Variants in DRGX observed in about 807,000 individuals in gnomAD.
DRGX encodes the protein dorsal root ganglia homeobox protein.
Under a neutral mutation model 28.6 loss-of-function variants are expected in DRGX, and 21 were observed. The observed-to-expected ratio is 0.73, with a 90% CI of 0.52 to 1.06. The LOEUF (loss-of-function observed/expected upper bound fraction) is 1.06. Among genes scored for constraint, DRGX ranks in the 50% least tolerant of loss-of-function variants. DRGX has a pLI of 0.00. For missense variants in DRGX, 354 were observed against 343.9 expected (o/e 1.03, Z -0.23); for synonymous variants, 136 against 139.1 (o/e 0.98, Z 0.16).
intron 4 of DRGX, among the ~76,000 whole-genome samples, chr10:49,388,019 A>C (rs1849859385): frequency 6.6e-6 from 1 of 152,338 alleles, no homozygotes; most frequent in Non-Finnish European, 1.5e-5. Flanking sequence ...CCTGATGCAT[A>C]GCCATCCATC....
Position 49,391,260 on chromosome 10 carries a change from G to A in DRGX, c.36C>T (p.Gly12=). The change falls in exon 3 of 7, where the codon GGC becomes GGT. Residue 12 remains glycine, a splice_region_variant and synonymous_variant. Transcript: ENST00000374139. ...AAGAGTGATTGCCAAAGGTTGCAGT[G>A]CCTACCAAGAGCAAACTGATCAACC... The part of the protein sequence containing the change: ...FYFHCPPQLE[G]TATFGNHSSG... 1 of 1,608,814 alleles carries A rather than the reference G, an allele frequency of 6.2e-7. No homozygotes were observed. The highest frequency in any genetic ancestry group is 8.5e-7 in the Non-Finnish European group (1 of 1,177,590).
intron 1 of DRGX, 115 bp from the exon 2 acceptor site, chr10:49,395,636 A>C: frequency 4.0e-5 from 26 of 646,878 alleles, no homozygotes; most frequent in Non-Finnish European, 6.3e-5. Flanking sequence ...CCCTCATCTC[A>C]CTGCGGGGGA....
At position 49,386,807 on chromosome 10, in the gene DRGX, A is replaced by T; in HGVS notation, c.286T>A (p.Ser96Thr). ...TCCTTGGCTCCTGGCTCCTGGTCTG[A>T]GGCCCCTCTCTCTGTCTTCCTCCAT... is the stretch of plus-strand genomic sequence containing the variant. The part of the protein sequence containing the change: ...AKWRKTERGA[S>T]DQEPGAKEPM... Residue 96 changes from serine (S) to threonine (T), a missense_variant, in exon 5 of 7, where the codon TCA (serine) becomes ACA (threonine). Transcript: ENST00000374139. The T allele has an allele frequency of 6.2e-7, 1 of 1,600,102 alleles. No individual in the cohort carries two copies. The highest frequency in any genetic ancestry group is 1.4e-5 in the African/African-American group (1 of 74,070).
chr10:49,391,915 T>A, intron 2 of DRGX: 1 of 490,032 alleles, frequency 2.0e-6, no homozygotes, highest in Non-Finnish European at 4.2e-6. Flanking sequence ...CAATAGTGAC[T>A]GTCCTGAATG....
rs376042287 is a variant in DRGX, at chr10:49,374,929, C to T, written c.527-8548G>A. Among the ~76,000 whole-genome samples the T allele has an allele frequency of 4.9e-4, 74 of 152,310 alleles. 2 individuals are homozygous for T. In the South Asian group the frequency reaches 0.014, roughly 29 times the overall value. ...GGATTTATGAGACGTCTAACGCAAA[C>T]AGCATAGTTCACTTATTTCCACTTT... is the stretch of plus-strand genomic sequence containing the variant. On this transcript the variant is annotated intron_variant, in intron 6 of 6. Coordinates refer to ENST00000374139, the MANE Select transcript of DRGX (RefSeq NM_001276451.2).
intron 6 of DRGX, among the ~76,000 whole-genome samples, chr10:49,367,979 C>T (rs1423867932): frequency 6.6e-6 from 1 of 152,224 alleles, no homozygotes; most frequent in African/African-American, 2.4e-5. Context: ...GCTTTTCCAG[C>T]AGCTGGGACT....
At chr10:49,392,620 T>C (rs1849922735) in intron 2 of DRGX, among the ~76,000 whole-genome samples, 1 of 152,210 alleles carries the variant, frequency 6.6e-6, no homozygotes, top group Non-Finnish European at 1.5e-5. Flanking sequence ...TTTCGCTCAG[T>C]CTTCTAATTT....
intron 6 of DRGX, 65 bp downstream of exon 6, chr10:49,386,413 C>G (rs953858036): frequency 5.0e-6 from 7 of 1,395,252 alleles, no homozygotes; most frequent in Non-Finnish European, 6.7e-6. Flanking sequence ...AGACCCAGGC[C>G]GGTCACACAA....
chr10:49,386,590 G>C lies in DRGX; in HGVS notation c.414C>G (p.Ser138Arg). ...CTGCAGGACCTACCGTTCGCCCCAG[G>C]CTGGCAAAGGAAGGAGATCATATTG... is the stretch of plus-strand genomic sequence containing the variant. ...SKKEALEAQQ[S>R]LGRTVGPAGP... is the part of the protein sequence containing the mutation. The change falls in exon 6 of 7, where the codon AGC becomes AGG. Residue 138 changes from serine to arginine, a missense_variant and splice_region_variant. Ser to Arg is a moderately radical substitution (Grantham distance 110). Transcript: ENST00000374139. 1 of 1,594,214 alleles carries C rather than the reference G, an allele frequency of 6.3e-7. No homozygotes were observed. Among genetic ancestry groups the C allele is most frequent in the Non-Finnish European group, 8.5e-7 (1 of 1,170,418 alleles).
At chr10:49,391,090 A>C in intron 3 of DRGX, 74 bp downstream of exon 3, 1 of 1,475,352 alleles carries the variant, frequency 6.8e-7, no homozygotes, top group South Asian at 1.2e-5. Flanking sequence ...TAAAAGACAA[A>C]GAAGAGTTGC....
chr10:49,380,517 T>C (rs1174915847), intron 6 of DRGX, among the ~76,000 whole-genome samples: 1 of 152,222 alleles, frequency 6.6e-6, no homozygotes, highest in African/African-American at 2.4e-5. Flanking sequence ...GTCATGTTAG[T>C]CCTCCCTGCA....
At chr10:49,383,467 A>G (rs1401611361) in intron 6 of DRGX, among the ~76,000 whole-genome samples, 2 of 152,182 alleles carry the variant, frequency 1.3e-5, no homozygotes, top group African/African-American at 4.8e-5. Context: ...CAGAAAGCAG[A>G]AATGGGACAC....
chr10:49,378,378 CA>C (rs1271377014), intron 6 of DRGX, among the ~76,000 whole-genome samples: 1 of 152,190 alleles, frequency 6.6e-6, no homozygotes, highest in Non-Finnish European at 1.5e-5. Context: ...CCACAGTCTG[CA>C]GAGACAGAGG....
At chr10:49,376,523 C>T (rs1484482933) in intron 6 of DRGX, among the ~76,000 whole-genome samples, 3 of 152,196 alleles carry the variant, frequency 2.0e-5, no homozygotes, top group Non-Finnish European at 2.9e-5. Context: ...AAGCAGAAAC[C>T]TCTGCCTCAG....
chr10:49,386,381 A>G (rs1238535915), intron 6 of DRGX, 97 bp downstream of exon 6: 8 of 1,072,754 alleles, frequency 7.5e-6, no homozygotes, highest in African/African-American at 3.2e-5. Flanking sequence ...GCACAGGCCC[A>G]GGTGCAAGGA....
intron 4 of DRGX, among the ~76,000 whole-genome samples, chr10:49,388,360 T>C (rs1045008483): frequency 1.3e-5 from 2 of 152,242 alleles, no homozygotes; most frequent in Admixed American, 6.5e-5. Context: ...CTCCCCTGGC[T>C]GCTGGCACAC....
intron 2 of DRGX, among the ~76,000 whole-genome samples, chr10:49,392,263 T>A (rs908427411): frequency 6.6e-6 from 1 of 152,248 alleles, no homozygotes; most frequent in Non-Finnish European, 1.5e-5. Flanking sequence ...ACAAGGACCC[T>A]CAGAAGGACC....
chr10:49,369,923 C>T (rs550333004), intron 6 of DRGX, among the ~76,000 whole-genome samples: 1 of 152,148 alleles, frequency 6.6e-6, no homozygotes, highest in Non-Finnish European at 1.5e-5. Flanking sequence ...CAAACACTCA[C>T]CCAGCCACAC....
intron 6 of DRGX, among the ~76,000 whole-genome samples, chr10:49,384,103 T>C (rs1849806470): frequency 1.3e-5 from 2 of 152,230 alleles, no homozygotes; most frequent in African/African-American, 2.4e-5. Flanking sequence ...GCCCCCAGCA[T>C]GGCTCCTTGC....
Sources: allele counts gnomAD v4.1 joint callset (sites outside exome capture counted in the v4.1 genomes callset), GRCh38; gene constraint gnomAD v4.1.1; transcripts MANE v1.5; gene names NCBI Gene and HGNC (gene_info 2026-07-23, HGNC 2026-07-21).